The following MEF2B variants were observed in gnomAD, a reference collection of about 807,000 sequenced individuals.
The protein encoded by MEF2B is myocyte-specific enhancer factor 2B.
In MEF2B, 15 loss-of-function variants were observed where a neutral mutation model predicts 32.2. The ratio of observed to expected loss-of-function variants is 0.47; its 90% CI spans 0.31 to 0.72. MEF2B has a LOEUF of 0.72. Ranked by LOEUF, MEF2B falls within the 30% of genes least tolerant of loss-of-function variation. The probability of loss-of-function intolerance (pLI) is 0.05; values close to 1 mark genes in which losing one functional copy is unlikely to be tolerated. For synonymous variants in MEF2B, 205 were observed against 225.6 expected (o/e 0.91, Z 0.82); for missense variants, 441 against 511.5 (o/e 0.86, Z 1.33).
In MEF2B at chr19:19,149,432, G is replaced by A; in HGVS notation, c.55-3C>T. On this transcript the variant is annotated splice_polypyrimidine_tract_variant and splice_region_variant and intron_variant, in intron 2 of 8. Coordinates refer to ENST00000424583, the MANE Select transcript of MEF2B (RefSeq NM_001145785.2). ...AACTTCCGCTTGGTGAACGTCACCT[G>A]GACCCAGGACCCACAGGGGCAGGGG... The A allele has an allele frequency of 1.9e-6, 3 of 1,614,048 alleles. No homozygotes were observed. Among genetic ancestry groups the A allele is most frequent in the Non-Finnish European group, 2.5e-6 (3 of 1,180,018 alleles).
At chr19:19,160,595 C>G (rs542960887) in intron 1 of MEF2B, among the ~76,000 whole-genome samples, 1 of 118,270 alleles carries the variant, frequency 8.5e-6, no homozygotes, top group Non-Finnish European at 1.6e-5. Context: ...GAACCCAGGC[C>G]GGGAAAGGAG....
In MEF2B at chr19:19,146,027, A is replaced by T; in HGVS notation, c.882-5T>A. 1 of 1,423,860 alleles carries T rather than the reference A, an allele frequency of 7.0e-7. No homozygotes were observed. The highest frequency in any genetic ancestry group is 2.6e-4 in the Middle Eastern group (1 of 3,840). 88.2% of individuals were successfully genotyped at this position (1,423,860 alleles called of 1,614,324 possible). On this transcript the variant is annotated splice_region_variant and splice_polypyrimidine_tract_variant and intron_variant, in intron 8 of 8. Coordinates refer to ENST00000424583, the MANE Select transcript of MEF2B (RefSeq NM_001145785.2). ...TCGCCCAGGCTTCGGCCCCCACTGC[A>T]GGGGGAAAGAGAGAGGGAGGCCGTG... is the stretch of plus-strand genomic sequence containing the variant.
At chr19:19,152,522 G>A (rs1476147467) in intron 1 of MEF2B, among the ~76,000 whole-genome samples, 1 of 152,110 alleles carries the variant, frequency 6.6e-6, no homozygotes, top group African/African-American at 2.4e-5. Flanking sequence ...TGGCCAACAT[G>A]GCAAAACCCT....
chr19:19,160,752 G>C (rs1274437142), intron 1 of MEF2B, among the ~76,000 whole-genome samples: 1 of 152,104 alleles, frequency 6.6e-6, no homozygotes, highest in East Asian at 1.9e-4. Context: ...TTCATCACCT[G>C]CTCCCCAAGT....
chr19:19,162,335 A>G (rs1051053139), intron 1 of MEF2B, among the ~76,000 whole-genome samples: 1 of 151,454 alleles, frequency 6.6e-6, no homozygotes, highest in African/African-American at 2.4e-5. Context: ...GCTTCATTTT[A>G]TCACACTGGC....
chr19:19,155,979 G>A (rs529289355), intron 1 of MEF2B, among the ~76,000 whole-genome samples: 1 of 152,178 alleles, frequency 6.6e-6, no homozygotes, highest in Non-Finnish European at 1.5e-5. Flanking sequence ...ACAGAAGAAA[G>A]AACAGGAGAA....
intron 1 of MEF2B, among the ~76,000 whole-genome samples, chr19:19,151,730 A>C (rs2060082025): frequency 6.6e-6 from 1 of 152,100 alleles, no homozygotes; most frequent in African/African-American, 2.4e-5. Context: ...AGCCCTCAGC[A>C]CAGAAGACCC....
chr19:19,168,620 A>C (rs1173067917), intron 1 of MEF2B, among the ~76,000 whole-genome samples: 1 of 142,186 alleles, frequency 7.0e-6, no homozygotes, highest in Admixed American at 7.1e-5. Context: ...TAGAGACAGG[A>C]TCTTGCTCTG....
intron 1 of MEF2B, among the ~76,000 whole-genome samples, chr19:19,156,481 T>C (rs1168428394): frequency 1.3e-5 from 2 of 151,864 alleles, no homozygotes; most frequent in South Asian, 2.1e-4. Flanking sequence ...GGCAACAGAG[T>C]GAGACTCTGT....
At chr19:19,169,829 G>A (rs1043032194) in intron 1 of MEF2B, among the ~76,000 whole-genome samples, 4 of 152,078 alleles carry the variant, frequency 2.6e-5, no homozygotes, top group African/African-American at 7.2e-5. Context: ...ATGCGCTAAT[G>A]CTAAAGGAGT....
intron 5 of MEF2B, 79 bp downstream of exon 5, chr19:19,146,957 C>A: frequency 6.4e-7 from 1 of 1,567,134 alleles, no homozygotes; most frequent in Non-Finnish European, 8.7e-7. Flanking sequence ...GTGATGCACG[C>A]AGCCTGGCAA....
chr19:19,149,347 A>G lies in MEF2B; in HGVS notation c.137T>C (p.Ile46Thr), dbSNP rs1347318789. The change falls in exon 3 of 9, where the codon ATC becomes ACC. Residue 46 changes from isoleucine (I) to threonine (T), a missense_variant. By Grantham distance (89) the Ile-to-Thr change is moderately conservative (BLOSUM62 -1). Coordinates refer to ENST00000424583, the MANE Select transcript of MEF2B (RefSeq NM_001145785.2). ...GAGGCGGTTGGCGCTGTTGAAGATG[A>G]TGAGGGCTATCTCACAGTCACAGAG... ...SVLCDCEIAL[I>T]IFNSANRLFQ... 1 of 1,613,898 alleles carries G rather than the reference A, an allele frequency of 6.2e-7. No individual in the cohort carries two copies. The highest frequency in any genetic ancestry group is 8.5e-7 in the Non-Finnish European group (1 of 1,179,998).
At chr19:19,156,318 G>A (rs2060119945) in intron 1 of MEF2B, among the ~76,000 whole-genome samples, 1 of 151,952 alleles carries the variant, frequency 6.6e-6, no homozygotes, top group Non-Finnish European at 1.5e-5. Context: ...CAGCACTTTG[G>A]GAGGCCGAGG....
At chr19:19,152,145 G>A (rs1302757235) in intron 1 of MEF2B, among the ~76,000 whole-genome samples, 2 of 151,522 alleles carry the variant, frequency 1.3e-5, no homozygotes, top group Non-Finnish European at 2.9e-5. Flanking sequence ...ATTTTTAGTA[G>A]AGACGAGGTT....
In MEF2B at chr19:19,147,781, C is replaced by T; in HGVS notation, c.310G>A (p.Glu104Lys). Residue 104 changes from glutamate (E) to lysine (K), a missense_variant, in exon 4 of 9, where the codon GAA becomes AAA. This residue lies in a region of MEF2B where 115 missense variants were observed against 183.1 expected (regional missense o/e 0.63). Transcript: ENST00000424583. ...GLDGPELEPD[E>K]GPEEPGEKFR... ...TTCTCTCCTGGCTCCTCAGGCCCTT[C>T]ATCCGGCTCCAGCTCTGGCCCATCG... 6.2e-7 allele frequency: 1 copy of T among 1,613,894 alleles called. No homozygotes were observed. The highest frequency in any genetic ancestry group is 1.1e-5 in the South Asian group (1 of 91,090).
intron 2 of MEF2B, 92 bp downstream of exon 2, chr19:19,150,590 T>C (rs2146359125): frequency 6.5e-7 from 1 of 1,534,816 alleles, no homozygotes; most frequent in Non-Finnish European, 8.9e-7. Context: ...CTCATTCCCC[T>C]GCAGTTCAAT....
rs576516055 is a variant in MEF2B, at chr19:19,150,059, TG to T, written c.54+622del. On this transcript the variant is annotated intron_variant, in intron 2 of 8. Transcript: ENST00000424583. ...GAGATCGCTCCACTGCACTCCAGCCTGGGCAACAAAGTGAACTCCATCTCAA... is the reference window on the plus strand; with the variant it reads ...GAGATCGCTCCACTGCACTCCAGCCTGGCAACAAAGTGAACTCCATCTCAA... Among the ~76,000 whole-genome samples, 33 of 117,434 alleles carry T rather than the reference TG, an allele frequency of 2.8e-4. No homozygotes were observed. The East Asian group carries it at 5.4e-3, about 19-fold the overall frequency. The allele number at this position is 117,434 out of a possible 152,430, so 77.0% of individuals were successfully genotyped here. A position where few individuals can be genotyped will look rare whatever the true frequency, so the allele number is the denominator to read the frequency against.
chr19:19,147,737 G>A lies in MEF2B; in HGVS notation c.354C>T (p.Gly118=), dbSNP rs747295848. Residue 118 remains glycine (G), a synonymous_variant, in exon 4 of 9, where the codon GGC becomes GGT. Coordinates refer to ENST00000424583, the MANE Select transcript of MEF2B (RefSeq NM_001145785.2). ...EPGEKFRRLA[G]EGGDPALPRP... is the part of the protein sequence containing the mutation. ...GGGGCAAGGCCGGATCACCCCCTTC[G>A]CCTGCCAGCCTCCGAAACTTCTCTC... The A allele has an allele frequency of 2.9e-5, 47 of 1,612,376 alleles. No homozygotes were observed. The highest frequency in any genetic ancestry group is 6.7e-5 in the Admixed American group (4 of 59,998).
intron 1 of MEF2B, among the ~76,000 whole-genome samples, chr19:19,166,461 C>T (rs537851266): frequency 2.0e-5 from 3 of 152,212 alleles, no homozygotes; most frequent in South Asian, 2.1e-4. Flanking sequence ...ATTTCTAAGT[C>T]GTCTCAGAAA....
Sources: allele counts gnomAD v4.1 joint callset (sites outside exome capture counted in the v4.1 genomes callset), GRCh38; gene constraint gnomAD v4.1.1; regional missense constraint gnomAD v4.1.1; transcripts MANE v1.5; gene names NCBI Gene and HGNC (gene_info 2026-07-23, HGNC 2026-07-21).